EML6: variants seen among roughly 807,000 people sequenced by gnomAD.
EML6 encodes the protein echinoderm microtubule-associated protein-like 6.
In EML6, 154 loss-of-function variants were observed where a neutral mutation model predicts 240.1. That is an observed-to-expected ratio of 0.64 (90% CI 0.56 to 0.73). The LOEUF (loss-of-function observed/expected upper bound fraction) is 0.73. Among genes scored for constraint, EML6 ranks in the 30% least tolerant of loss-of-function variants. The pLI, the probability that EML6 is intolerant of heterozygous loss-of-function variation, is 0.00. For missense variants in EML6, 2,964 were observed against 2,474.6 expected (o/e 1.20, Z -4.20); for synonymous variants, 1,148 against 899.0 (o/e 1.28, Z -4.95).
chr2:54,846,699 G>C (rs1669777391), intron 8 of EML6, among the ~76,000 whole-genome samples: 1 of 151,878 alleles, frequency 6.6e-6, no homozygotes, highest in Non-Finnish European at 1.5e-5. Flanking sequence ...GCTCAGGCTG[G>C]TCTTGAACTC....
intron 14 of EML6, chr2:54,868,838 C>T: frequency 4.8e-6 from 1 of 208,250 alleles, no homozygotes; most frequent in East Asian, 1.1e-4. Context: ...TGGCTTTCTG[C>T]AGTGGGCGGA....
At chr2:54,802,230 A>G (rs1308962026) in intron 2 of EML6, among the ~76,000 whole-genome samples, 1 of 152,224 alleles carries the variant, frequency 6.6e-6, no homozygotes, top group Non-Finnish European at 1.5e-5. Context: ...AATGCCCCCG[A>G]TACAAGCAAG....
chr2:54,902,722 G>A (rs1043211801), intron 22 of EML6, among the ~76,000 whole-genome samples: 44 of 152,158 alleles, frequency 2.9e-4, no homozygotes, highest in African/African-American at 9.2e-4. Flanking sequence ...TTTGTACAGG[G>A]TGGGTTTCGC....
At chr2:54,880,229 T>A (rs1308937179) in intron 17 of EML6, 2 of 152,448 alleles carry the variant, frequency 1.3e-5, no homozygotes, top group Non-Finnish European at 2.9e-5. Context: ...AACACGACTT[T>A]CCACTCCTAC....
At chr2:54,842,603 C>G (rs774419095) in intron 7 of EML6, among the ~76,000 whole-genome samples, 1 of 152,142 alleles carries the variant, frequency 6.6e-6, no homozygotes, top group Non-Finnish European at 1.5e-5. Flanking sequence ...GCTGGGGAGG[C>G]AAATTGGAGC....
intron 11 of EML6, among the ~76,000 whole-genome samples, chr2:54,858,569 T>C (rs1670510808): frequency 6.6e-6 from 1 of 152,226 alleles, no homozygotes; most frequent in African/African-American, 2.4e-5. Context: ...GGTAACTCTT[T>C]GAAGTAGGCA....
intron 2 of EML6, among the ~76,000 whole-genome samples, chr2:54,801,666 T>G (rs545470560): frequency 6.6e-6 from 1 of 152,146 alleles, no homozygotes; most frequent in Non-Finnish European, 1.5e-5. Context: ...TGCAGTGTTA[T>G]TAGCTTTCAA....
chr2:54,910,649 G>A (rs1002831909), intron 24 of EML6, among the ~76,000 whole-genome samples: 1 of 151,752 alleles, frequency 6.6e-6, no homozygotes, highest in Non-Finnish European at 1.5e-5. Context: ...ATTTTTCTCA[G>A]GCTTTGGAAA....
At chr2:54,856,805 C>T (rs1415882869) in intron 11 of EML6, among the ~76,000 whole-genome samples, 1 of 152,130 alleles carries the variant, frequency 6.6e-6, no homozygotes, top group African/African-American at 2.4e-5. Context: ...GTGATGTGAC[C>T]AATCCAAGCT....
At chr2:54,926,624 C>T (rs1248840961) in intron 26 of EML6, among the ~76,000 whole-genome samples, 2 of 152,334 alleles carry the variant, frequency 1.3e-5, no homozygotes, top group East Asian at 3.9e-4. Flanking sequence ...CTTGAGACAG[C>T]AGCTGGTTTC....
At position 54,960,293 on chromosome 2, in the gene EML6, G is replaced by A. The variant is rs376734216; in HGVS notation, c.4927G>A (p.Gly1643Arg). 37 of 1,551,148 alleles carry A rather than the reference G, an allele frequency of 2.4e-5. No individual in the cohort carries two copies. The highest frequency in any genetic ancestry group is 1.2e-4 in the East Asian group (5 of 40,934). ...CTGCCGGGCCTTTCAGCTGGAGACCGGGCAGCTGGTGGAGTGTGTGCGCTC... is the reference window on the plus strand; with the variant it reads ...CTGCCGGGCCTTTCAGCTGGAGACCAGGCAGCTGGTGGAGTGTGTGCGCTC... ...KRCRAFQLET[G>R]QLVECVRSVC... Residue 1643 changes from glycine (G) to arginine (R), a missense_variant, in exon 35 of 42, where the codon GGG becomes AGG. Gly to Arg is a moderately radical substitution (Grantham distance 125). Transcript: ENST00000356458.
chr2:54,891,122 G>A lies in EML6; in HGVS notation c.2507G>A (p.Gly836Glu). 1 of 1,490,616 alleles carries A rather than the reference G, an allele frequency of 6.7e-7. No individual in the cohort carries two copies. Among genetic ancestry groups the A allele is most frequent in the Non-Finnish European group, 9.1e-7 (1 of 1,102,352 alleles). The allele number at this position is 1,490,616 out of a possible 1,614,324, so 92.3% of individuals were successfully genotyped here. The change falls in exon 18 of 42, where the codon GGG becomes GAG. Residue 836 changes from glycine (G) to glutamate (E), a missense_variant. Physicochemically the swap from Gly to Glu is moderately conservative, Grantham distance 98. Coordinates refer to ENST00000356458, the MANE Select transcript of EML6 (RefSeq NM_001039753.4). ...PHHVDKLVTV[G>E]IKHIKFWQQA... The stretch of plus-strand genomic sequence containing the variant: ...CATGTTGACAAACTGGTTACAGTTG[G>A]GATAAAACACATCAAATTCTGGCAA...
rs567281488 is a variant in EML6, at chr2:54,852,996, G to A, written c.1445-647G>A. Among the ~76,000 whole-genome samples the A allele has an allele frequency of 7.6e-4, 116 of 152,298 alleles. 1 individual carries two copies. Among genetic ancestry groups the A allele is most frequent in the African/African-American group, 2.6e-3 (109 of 41,554 alleles). On this transcript the variant is annotated intron_variant, in intron 10 of 41. Coordinates refer to ENST00000356458, the MANE Select transcript of EML6 (RefSeq NM_001039753.4). ...ACAACGGTCGGGATTATTTTCCCGC[G>A]TGAATTACATTTTATTTCATCATAA...
chr2:54,905,537 G>T (rs879095942), intron 24 of EML6, among the ~76,000 whole-genome samples: 1 of 152,128 alleles, frequency 6.6e-6, no homozygotes. Context: ...GAATTGTGAA[G>T]TACACATAAC....
intron 17 of EML6, among the ~76,000 whole-genome samples, chr2:54,883,313 TTCTAA>T (rs1671940240): frequency 6.6e-6 from 1 of 152,230 alleles, no homozygotes; most frequent in African/African-American, 2.4e-5. Flanking sequence ...TCTCACTGTG[TTCTAA>T]TTTGTTACCT....
chr2:54,827,626 G>C lies in EML6; in HGVS notation c.586G>C (p.Asp196His). The change falls in exon 6 of 42, where the codon GAT becomes CAT. Residue 196 changes from aspartate (D) to histidine (H), a missense_variant. Physicochemically the swap from Asp to His is moderately conservative, Grantham distance 81 (BLOSUM62 -1). Transcript: ENST00000356458. ...AAGAGGGATATTTGGCAAAACAGGG[G>C]ATCTTCAGACCATCCTTTGCCTTGC... ...AKRGIFGKTGDLQTILCLACA... is the reference protein window; with the variant it reads ...AKRGIFGKTGHLQTILCLACA... 2 of 1,551,688 alleles carry C rather than the reference G, an allele frequency of 1.3e-6. No homozygotes were observed. Among genetic ancestry groups the C allele is most frequent in the African/African-American group, 1.4e-5 (1 of 73,162 alleles).
intron 3 of EML6, among the ~76,000 whole-genome samples, chr2:54,813,753 A>G (rs951527876): frequency 3.3e-5 from 5 of 152,216 alleles, no homozygotes; most frequent in Admixed American, 6.5e-5. Flanking sequence ...TCAAGCCCTG[A>G]GCATGTCTGT....
Position 54,928,767 on chromosome 2 carries a change from G to A in EML6, c.4004+16G>A. 1.3e-6 allele frequency: 2 copies of A among 1,551,662 alleles called. No homozygotes were observed. Among genetic ancestry groups the A allele is most frequent in the Non-Finnish European group, 1.7e-6 (2 of 1,146,984 alleles). ...TGGAAGAAAGGTATGGTGTTGCCAG[G>A]TTTGCTTGCTTTTATTATACCTGAT... On this transcript the variant is annotated intron_variant, in intron 28 of 41. Coordinates refer to ENST00000356458, the MANE Select transcript of EML6 (RefSeq NM_001039753.4).
At chr2:54,802,063 T>A (rs1670181375) in intron 2 of EML6, among the ~76,000 whole-genome samples, 1 of 152,238 alleles carries the variant, frequency 6.6e-6, no homozygotes. Flanking sequence ...TCATTCAACA[T>A]GTATTTATAA....
Sources: gnomAD v4.1 joint callset for allele counts (sites outside exome capture counted in the v4.1 genomes callset) on GRCh38, gnomAD v4.1.1 for gene constraint, MANE v1.5 for transcripts, NCBI Gene and HGNC (gene_info 2026-07-23, HGNC 2026-07-21) for gene names.